MED13L: variants seen among roughly 807,000 people sequenced by gnomAD.
MED13L encodes mediator complex subunit 13L, also known as mediator of RNA polymerase II transcription subunit 13-like.
Under a neutral mutation model 220.9 loss-of-function variants are expected in MED13L, and 7 were observed. That is an observed-to-expected ratio of 0.03 (90% CI 0.02 to 0.06). The LOEUF is 0.06. MED13L is among the 10% of genes least tolerant of loss of function. The pLI is 1.00. For missense variants in MED13L, 1,965 were observed against 2,760.5 expected (o/e 0.71, Z 6.46); for synonymous variants, 1,011 against 1,015.2 (o/e 1.00, Z 0.08).
At chr12:116,033,790 T>C (rs755729183) in intron 4 of MED13L, among the ~76,000 whole-genome samples, 1 of 152,124 alleles carries the variant, frequency 6.6e-6, no homozygotes, top group African/African-American at 2.4e-5. Flanking sequence ...TCCTTTTATA[T>C]ACATATAACA....
chr12:115,996,028 C>T (rs1262354682), intron 16 of MED13L, among the ~76,000 whole-genome samples: 1 of 152,136 alleles, frequency 6.6e-6, no homozygotes. Context: ...ATAATTTGCA[C>T]AAAAACATGA....
At chr12:116,041,787 AT>A (rs918687984) in intron 4 of MED13L, among the ~76,000 whole-genome samples, 2 of 152,180 alleles carry the variant, frequency 1.3e-5, no homozygotes, top group African/African-American at 4.8e-5. Flanking sequence ...GTGAGCCAAG[AT>A]CGTGCCACTG....
At chr12:116,132,845 G>A (rs1279778447) in intron 2 of MED13L, among the ~76,000 whole-genome samples, 1 of 152,004 alleles carries the variant, frequency 6.6e-6, no homozygotes, top group Non-Finnish European at 1.5e-5. Flanking sequence ...ACTTGAAACA[G>A]GGAGGCAGAG....
At position 116,101,129 on chromosome 12, in the gene MED13L, T is replaced by C. The variant is rs566325236; in HGVS notation, c.396-4377A>G. ...CTCTTTCTTCTCCCTTCTCCTCTAA[T>C]TTGAATTCTATTCATTCTTTCTGTC... On this transcript the variant is annotated intron_variant, in intron 3 of 30. Transcript: ENST00000281928. Among the ~76,000 whole-genome samples the C allele has an allele frequency of 2.0e-5, 3 of 152,296 alleles. No homozygotes were observed. In the South Asian group the frequency reaches 6.2e-4, roughly 32 times the overall value.
intron 2 of MED13L, among the ~76,000 whole-genome samples, chr12:116,195,024 G>C (rs1190139070): frequency 6.6e-6 from 1 of 152,204 alleles, no homozygotes; most frequent in Non-Finnish European, 1.5e-5. Context: ...GCCCACCTAA[G>C]ATAAGGGACT....
At chr12:115,970,806 A>T (rs1876529664) in intron 26 of MED13L, 36 bp from the exon 27 acceptor site, 1 of 1,593,396 alleles carries the variant, frequency 6.3e-7, no homozygotes, top group Non-Finnish European at 8.6e-7. Context: ...TCAATCAATG[A>T]ACAACCCCAG....
chr12:116,051,804 A>T (rs962588321), intron 4 of MED13L, among the ~76,000 whole-genome samples: 1 of 152,184 alleles, frequency 6.6e-6, no homozygotes, highest in Non-Finnish European at 1.5e-5. Context: ...TCCACTTATG[A>T]CATCATGTGG....
chr12:116,036,888 C>T (rs1057112667), intron 4 of MED13L, among the ~76,000 whole-genome samples: 4 of 152,226 alleles, frequency 2.6e-5, no homozygotes, highest in Non-Finnish European at 5.9e-5. Flanking sequence ...AAGACAGTGG[C>T]ATTATAGTAT....
At chr12:116,153,498 T>A (rs1878208867) in intron 2 of MED13L, among the ~76,000 whole-genome samples, 2 of 152,180 alleles carry the variant, frequency 1.3e-5, no homozygotes, top group Non-Finnish European at 2.9e-5. Flanking sequence ...TAACCAGATA[T>A]ATGTCATTAA....
chr12:116,247,489 C>T (rs1359961165), intron 1 of MED13L, among the ~76,000 whole-genome samples: 1 of 152,202 alleles, frequency 6.6e-6, no homozygotes, highest in Non-Finnish European at 1.5e-5. Context: ...ACAGAGACAT[C>T]TTTCTAGCTG....
At chr12:116,120,014 G>A (rs902852278) in intron 2 of MED13L, among the ~76,000 whole-genome samples, 49 of 151,460 alleles carry the variant, frequency 3.2e-4, no homozygotes, top group African/African-American at 1.2e-3. Flanking sequence ...TTCCTCAAGG[G>A]GAAGCAATTT....
chr12:116,146,155 G>A lies in MED13L; in HGVS notation c.311-34643C>T, dbSNP rs541835495. ...GTTGGTTTTTTTGAGATGGAGTCTC[G>A]CTCTGTCACCAGGCTGGAATGCAGT... On this transcript the variant is annotated intron_variant, in intron 2 of 30. Transcript: ENST00000281928. 5.3e-5 allele frequency among the ~76,000 whole-genome samples: 8 copies of A among 152,050 alleles called. No individual in the cohort carries two copies. In the South Asian group the frequency reaches 1.0e-3, roughly 20 times the overall value.
intron 2 of MED13L, among the ~76,000 whole-genome samples, chr12:116,144,088 C>A (rs1420040769): frequency 1.3e-5 from 2 of 152,154 alleles, no homozygotes; most frequent in Non-Finnish European, 2.9e-5. Flanking sequence ...ACACAGCACA[C>A]AAGAAAGGAT....
intron 1 of MED13L, among the ~76,000 whole-genome samples, chr12:116,269,466 C>CAAAAAAAAAAAAAAAAAAAA (rs34100053): frequency 1.4e-5 from 1 of 69,134 alleles, no homozygotes; most frequent in Non-Finnish European, 2.5e-5. Context: ...TTAAACTATG[C>CAAAAAAAAAAAAAAAAAAAA]AAAAAAAAAA....
chr12:116,133,255 A>G (rs1449416329), intron 2 of MED13L, among the ~76,000 whole-genome samples: 2 of 152,138 alleles, frequency 1.3e-5, no homozygotes, highest in Non-Finnish European at 2.9e-5. Context: ...AAATTTCCAA[A>G]CTGTACTCAC....
intron 2 of MED13L, among the ~76,000 whole-genome samples, chr12:116,203,739 T>C (rs1882146238): frequency 6.6e-6 from 1 of 151,998 alleles, no homozygotes; most frequent in Admixed American, 6.6e-5. Context: ...GAGAACTGCT[T>C]GAACCCAGGA....
intron 2 of MED13L, among the ~76,000 whole-genome samples, chr12:116,198,448 G>A: frequency 6.6e-6 from 1 of 151,956 alleles, no homozygotes; most frequent in East Asian, 1.9e-4. Context: ...AAAGGCAGTA[G>A]TGCCGCCTAC....
At chr12:116,184,637 C>A (rs1378966599) in intron 2 of MED13L, among the ~76,000 whole-genome samples, 1 of 152,112 alleles carries the variant, frequency 6.6e-6, no homozygotes, top group African/African-American at 2.4e-5. Context: ...GTCAATTATA[C>A]CAGATCTCTA....
chr12:116,148,076 A>AAAAAAAAAAAAAG (rs1264462636), intron 2 of MED13L, among the ~76,000 whole-genome samples: 7 of 50,580 alleles, frequency 1.4e-4, no homozygotes, highest in African/African-American at 1.6e-4. Flanking sequence ...AAAAAAAAAG[A>AAAAAAAAAAAAAG]GGGGGGCGGG....
Sources: allele counts gnomAD v4.1 joint callset (sites outside exome capture counted in the v4.1 genomes callset), GRCh38; gene constraint gnomAD v4.1.1; transcripts MANE v1.5; gene names NCBI Gene and HGNC (gene_info 2026-07-23, HGNC 2026-07-21).